The following RASGRP3 variants were observed in gnomAD, a reference collection of about 807,000 sequenced individuals.
The protein encoded by RASGRP3 is RAS guanyl releasing protein 3, also known as ras guanyl-releasing protein 3.
In RASGRP3, 54 loss-of-function variants were observed where a neutral mutation model predicts 82.7. The observed-to-expected ratio is 0.65, with a 90% CI of 0.52 to 0.82. The LOEUF is 0.82. Among genes scored for constraint, RASGRP3 ranks in the 40% least tolerant of loss-of-function variants. RASGRP3 has a pLI of 0.00. For missense variants in RASGRP3, 861 were observed against 828.9 expected (o/e 1.04, Z -0.48); for synonymous variants, 309 against 300.5 (o/e 1.03, Z -0.29).
chr2:33,437,580 G>A (rs542139281), intron 1 of RASGRP3, among the ~76,000 whole-genome samples: 2 of 152,272 alleles, frequency 1.3e-5, no homozygotes, highest in East Asian at 3.9e-4. Context: ...TTTGAGATTG[G>A]GATGTTTAGA....
intron 1 of RASGRP3, among the ~76,000 whole-genome samples, chr2:33,510,343 C>T (rs997126975): frequency 6.6e-6 from 1 of 152,184 alleles, no homozygotes; most frequent in African/African-American, 2.4e-5. Flanking sequence ...TCCTACAATT[C>T]TAGAGCCAAG....
intron 2 of RASGRP3, among the ~76,000 whole-genome samples, chr2:33,449,185 A>G (rs917542566): frequency 3.3e-5 from 5 of 152,378 alleles, no homozygotes; most frequent in African/African-American, 1.2e-4. Flanking sequence ...CCAGATTACC[A>G]GACATAAGAT....
intron 11 of RASGRP3, among the ~76,000 whole-genome samples, chr2:33,537,305 T>TACACAC (rs71409627): frequency 1.8e-4 from 11 of 59,628 alleles, no homozygotes; most frequent in East Asian, 4.0e-4. Flanking sequence ...GTCTCTAAAA[T>TACACAC]ACACACACAC....
intron 1 of RASGRP3, among the ~76,000 whole-genome samples, chr2:33,438,042 A>G (rs6718472): frequency 0.027 from 4,170 of 152,312 alleles, 203 homozygotes; most frequent in African/African-American, 0.096. Flanking sequence ...GCTTACAGCA[A>G]TTCTGATTTC....
intron 17 of RASGRP3, among the ~76,000 whole-genome samples, chr2:33,561,724 T>C (rs1676678721): frequency 6.6e-6 from 1 of 152,166 alleles, no homozygotes. Flanking sequence ...TTAAAGACTT[T>C]AGAACACAGA....
chr2:33,549,567 T>C, intron 13 of RASGRP3, 37 bp from the exon 14 acceptor site: 2 of 1,585,584 alleles, frequency 1.3e-6, no homozygotes, highest in Non-Finnish European at 1.7e-6. Flanking sequence ...CAACCTGTTA[T>C]TTAAAGATTC....
chr2:33,523,846 A>C (rs6735997), intron 7 of RASGRP3, 33 bp from the exon 8 acceptor site: 1 of 1,565,350 alleles, frequency 6.4e-7, no homozygotes, highest in South Asian at 1.2e-5. Flanking sequence ...AGGCTCTATT[A>C]TAATTCAGAG....
chr2:33,539,089 A>G lies in RASGRP3; in HGVS notation c.1162-5A>G, dbSNP rs1051652250. ...AAAATATGTGGTTTTTTTTTTGTTT[A>G]TCAGCAGCCTACCTCCCCTACGACG... On this transcript the variant is annotated splice_region_variant and splice_polypyrimidine_tract_variant and intron_variant, in intron 11 of 17. Transcript: ENST00000403687. The G allele has an allele frequency of 3.9e-6, 6 of 1,552,862 alleles. No individual in the cohort carries two copies. The African/African-American group carries it at 8.4e-5, about 22-fold the overall frequency.
intron 1 of RASGRP3, among the ~76,000 whole-genome samples, chr2:33,487,304 CGACAGATCAGA>C (rs1170429771): frequency 3.7e-4 from 57 of 152,002 alleles, no homozygotes; most frequent in Non-Finnish European, 6.6e-4. Flanking sequence ...GCAATAAGGA[CGACAGATCAGA>C]GAAAGAAAAA....
At chr2:33,560,283 T>C (rs1676501981) in intron 17 of RASGRP3, among the ~76,000 whole-genome samples, 1 of 152,184 alleles carries the variant, frequency 6.6e-6, no homozygotes, top group South Asian at 2.1e-4. Context: ...AGATTTGCAA[T>C]GCCCACTTTA....
At chr2:33,480,290 G>C (rs1005217022) in intron 1 of RASGRP3, among the ~76,000 whole-genome samples, 2 of 152,088 alleles carry the variant, frequency 1.3e-5, no homozygotes, top group South Asian at 2.1e-4. Context: ...TGATCCACCC[G>C]CCTCGGCCTC....
chr2:33,502,901 A>T (rs1041486638), intron 1 of RASGRP3, among the ~76,000 whole-genome samples: 1 of 152,068 alleles, frequency 6.6e-6, no homozygotes, highest in Non-Finnish European at 1.5e-5. Context: ...TAGATCCACT[A>T]ATGAGTCCAA....
intron 8 of RASGRP3, 120 bp downstream of exon 8, chr2:33,524,172 C>T: frequency 8.5e-7 from 1 of 1,183,148 alleles, no homozygotes; most frequent in Non-Finnish European, 1.2e-6. Context: ...AAACTACTCG[C>T]TGATATCTAA....
chr2:33,510,244 A>G (rs187294577), intron 1 of RASGRP3, among the ~76,000 whole-genome samples: 139 of 152,208 alleles, frequency 9.1e-4, no homozygotes, highest in African/African-American at 3.2e-3. Context: ...TGTGATAGAC[A>G]AGACAATTGT....
chr2:33,457,439 AC>A (rs1666099435), intron 2 of RASGRP3, among the ~76,000 whole-genome samples: 2 of 152,122 alleles, frequency 1.3e-5, no homozygotes, highest in African/African-American at 4.8e-5. Flanking sequence ...TTTTCAGCCC[AC>A]TTTTTAAACT....
At chr2:33,562,672 ACT>A in intron 17 of RASGRP3, 55 bp from the exon 18 acceptor site, 1 of 1,585,736 alleles carries the variant, frequency 6.3e-7, no homozygotes, top group South Asian at 1.1e-5. Flanking sequence ...TTCTAGGAAC[ACT>A]CTTATTTTGT....
chr2:33,485,452 A>G (rs151101586), intron 1 of RASGRP3, among the ~76,000 whole-genome samples: 2 of 152,348 alleles, frequency 1.3e-5, no homozygotes, highest in Non-Finnish European at 2.9e-5. Context: ...GCTGCCCTGC[A>G]TCTTTGGCAG....
At chr2:33,518,275 C>T (rs561425777) in intron 4 of RASGRP3, among the ~76,000 whole-genome samples, 45 of 152,146 alleles carry the variant, frequency 3.0e-4, no homozygotes, top group Non-Finnish European at 5.7e-4. Context: ...GTACTGAATT[C>T]TATAGGCAAC....
At chr2:33,502,758 A>G (rs1015192575) in intron 1 of RASGRP3, among the ~76,000 whole-genome samples, 23 of 151,926 alleles carry the variant, frequency 1.5e-4, no homozygotes, top group Non-Finnish European at 8.8e-5. Flanking sequence ...CAGGTGATGC[A>G]CTCGCCTTGG....
Sources: gnomAD v4.1 joint callset for allele counts (sites outside exome capture counted in the v4.1 genomes callset) on GRCh38, gnomAD v4.1.1 for gene constraint, MANE v1.5 for transcripts, NCBI Gene and HGNC (gene_info 2026-07-23, HGNC 2026-07-21) for gene names.